Variants in GALNT9 observed in about 807,000 individuals in gnomAD.
The protein encoded by GALNT9 is GalNAc transferase 9.
In GALNT9, 47 loss-of-function variants were observed where a neutral mutation model predicts 63.1. The observed-to-expected ratio is 0.75, with a 90% confidence interval of 0.59 to 0.95. The LOEUF (loss-of-function observed/expected upper bound fraction) is 0.95, where lower values mean the gene tolerates loss of function less well. GALNT9 is among the 40% of genes least tolerant of loss of function. The pLI, the probability that GALNT9 is intolerant of heterozygous loss-of-function variation, is 0.00. For missense variants in GALNT9, 829 were observed against 874.8 expected (o/e 0.95, Z 0.66); for synonymous variants, 396 against 365.7 (o/e 1.08, Z -0.94).
chr12:132,228,838 C>T (rs1361569689), intron 6 of GALNT9, among the ~76,000 whole-genome samples: 7 of 152,216 alleles, frequency 4.6e-5, no homozygotes, highest in South Asian at 4.1e-4. Context: ...CTAATAGACG[C>T]GATGGACTCA....
intron 2 of GALNT9, among the ~76,000 whole-genome samples, chr12:132,266,840 C>T (rs1879617776): frequency 6.6e-6 from 1 of 152,220 alleles, no homozygotes; most frequent in African/African-American, 2.4e-5. Flanking sequence ...GCGTGGGCCA[C>T]CACCGAGTCG....
At chr12:132,199,348 C>T in intron 8 of GALNT9, 79 bp from the exon 9 acceptor site, 7 of 1,026,206 alleles carry the variant, frequency 6.8e-6, no homozygotes, top group Middle Eastern at 2.1e-4. Flanking sequence ...GCCAGCTCTG[C>T]AGCCAGCACC....
At chr12:132,209,457 G>A (rs139394828) in intron 6 of GALNT9, among the ~76,000 whole-genome samples, 3,379 of 152,314 alleles carry the variant, frequency 0.022, 124 homozygotes, top group African/African-American at 0.076. Context: ...GGCTGAGGCA[G>A]GAGAATTGCT....
At position 132,197,889 on chromosome 12, in the gene GALNT9, G is replaced by T; in HGVS notation, c.1568C>A (p.Ser523Tyr). The T allele has an allele frequency of 3.7e-6, 6 of 1,611,890 alleles. No individual in the cohort carries two copies. The highest frequency in any genetic ancestry group is 5.1e-6 in the Non-Finnish European group (6 of 1,179,516). Reference protein sequence around the residue: ...PLGSTAFLPDSKCLVDDGTGR... With the variant: ...PLGSTAFLPDYKCLVDDGTGR... ...CGTGCCGTCATCCACCAGACACTTGGAGTCAGGCAAGAAGGCTGTGGAGCC... is the reference window on the plus strand; with the variant it reads ...CGTGCCGTCATCCACCAGACACTTGTAGTCAGGCAAGAAGGCTGTGGAGCC... Residue 523 changes from serine to tyrosine, a missense_variant, in exon 10 of 11, where the codon TCC becomes TAC. Transcript: ENST00000328957.
intron 1 of GALNT9, 119 bp downstream of exon 1, chr12:132,328,847 A>G: frequency 1.6e-6 from 2 of 1,235,060 alleles, no homozygotes; most frequent in Non-Finnish European, 2.1e-6. Flanking sequence ...TCTCCTGTAT[A>G]TTCCCTCCCA....
chr12:132,253,632 GATT>G (rs1183719795), intron 5 of GALNT9, among the ~76,000 whole-genome samples: 6 of 152,218 alleles, frequency 3.9e-5, no homozygotes, highest in Admixed American at 3.9e-4. Flanking sequence ...CTTGTATTAT[GATT>G]ATTCTTATTC....
intron 6 of GALNT9, among the ~76,000 whole-genome samples, chr12:132,213,445 T>C (rs1310386436): frequency 6.6e-6 from 1 of 151,382 alleles, no homozygotes; most frequent in Non-Finnish European, 1.5e-5. Flanking sequence ...AGCATACACA[T>C]GCACTGTTAC....
At chr12:132,309,570 T>C (rs1881739577) in intron 1 of GALNT9, among the ~76,000 whole-genome samples, 1 of 152,052 alleles carries the variant, frequency 6.6e-6, no homozygotes, top group African/African-American at 2.4e-5. Context: ...AGGGCTCGGA[T>C]AGTCACAGGC....
intron 1 of GALNT9, among the ~76,000 whole-genome samples, chr12:132,297,485 G>T (rs541844186): frequency 1.3e-5 from 2 of 149,054 alleles, no homozygotes; most frequent in South Asian, 4.3e-4. Context: ...AGTCACTCCT[G>T]AGATGACTGA....
intron 1 of GALNT9, among the ~76,000 whole-genome samples, chr12:132,295,333 G>A (rs112453261): frequency 0.02 from 2,972 of 152,380 alleles, 115 homozygotes; most frequent in African/African-American, 0.067. Context: ...AGTGCCGGGC[G>A]CCGTGCAGGC....
intron 6 of GALNT9, among the ~76,000 whole-genome samples, chr12:132,237,143 T>C (rs2136895211): frequency 0.27 from 40,674 of 151,950 alleles, 6,133 homozygotes; most frequent in African/African-American, 0.41. Flanking sequence ...GTGCAGGCAG[T>C]GTGGGACCCA....
At position 132,201,204 on chromosome 12, in the gene GALNT9, T is replaced by C; in HGVS notation, c.1321A>G (p.Lys441Glu). The C allele has an allele frequency of 8.7e-6, 14 of 1,612,852 alleles. No individual in the cohort carries two copies. The highest frequency in any genetic ancestry group is 1.2e-5 in the Non-Finnish European group (14 of 1,179,044). The change falls in exon 8 of 11, where the codon AAG becomes GAG. Residue 441 changes from lysine to glutamate, a missense_variant. Coordinates refer to ENST00000328957, the MANE Select transcript of GALNT9 (RefSeq NM_001122636.2). ...SERLALRQRLKCRSFKWYLEN... is the reference protein window; with the variant it reads ...SERLALRQRLECRSFKWYLEN... ...AGGTACCACTTGAAGCTGCGACACT[T>C]CAGCCTCTGACGCAGGGCCAGCCTC...
intron 2 of GALNT9, among the ~76,000 whole-genome samples, chr12:132,263,043 T>C (rs1845907654): frequency 6.6e-6 from 1 of 150,810 alleles, no homozygotes. Flanking sequence ...GCCTCCCCTG[T>C]GGGCCATGAG....
chr12:132,302,994 C>T (rs774788223), intron 1 of GALNT9, among the ~76,000 whole-genome samples: 4 of 152,086 alleles, frequency 2.6e-5, no homozygotes, highest in Non-Finnish European at 4.4e-5. Flanking sequence ...AACCCAGGGG[C>T]CTGTGCAGAG....
At position 132,286,615 on chromosome 12, in the gene GALNT9, A is replaced by C; in HGVS notation, c.239-185T>G. On this transcript the variant is annotated intron_variant, in intron 1 of 10. Coordinates refer to ENST00000328957, the MANE Select transcript of GALNT9 (RefSeq NM_001122636.2). The surrounding 1 kb of genome is among the most constrained non-coding windows in gnomAD (Gnocchi z 7.4). ...AAAGTGCAAGGCTGTGCGCGGAGTG[A>C]GAGGGCGGTGCCAGGCGGAAGAGGG... 4 of 1,074,766 alleles carry C rather than the reference A, an allele frequency of 3.7e-6. No individual in the cohort carries two copies. Among genetic ancestry groups the C allele is most frequent in the Non-Finnish European group, 5.2e-6 (4 of 776,268 alleles). The allele number at this position is 1,074,766 out of a possible 1,614,324, so 66.6% of individuals were successfully genotyped here. A position where few individuals can be genotyped will look rare whatever the true frequency, so the allele number is the denominator to read the frequency against.
chr12:132,225,454 G>A (rs1158750313), intron 6 of GALNT9, among the ~76,000 whole-genome samples: 19 of 122,732 alleles, frequency 1.5e-4, no homozygotes, highest in African/African-American at 5.2e-4. Context: ...CCACACAACT[G>A]AAACTCCACT....
At chr12:132,228,600 C>G (rs1877787720) in intron 6 of GALNT9, among the ~76,000 whole-genome samples, 2 of 140,134 alleles carry the variant, frequency 1.4e-5, no homozygotes, top group African/African-American at 2.6e-5. Context: ...GCAAAAGCCA[C>G]CCCCCCGGCC....
rs1245656501 is a variant in GALNT9, at chr12:132,252,014, T to C, written c.960-3987A>G. 6.6e-6 allele frequency among the ~76,000 whole-genome samples: 1 copy of C among 152,032 alleles called. No homozygotes were observed. The highest frequency in any genetic ancestry group is 1.5e-5 in the Non-Finnish European group (1 of 68,002). Reference sequence around the variant, plus strand: ...TCCCACCTTGCTCACGTGATGGGGGTGCCGGATCTTAACTGGGATCCCAGG... The same window carrying C: ...TCCCACCTTGCTCACGTGATGGGGGCGCCGGATCTTAACTGGGATCCCAGG... On this transcript the variant is annotated intron_variant, in intron 5 of 10. Transcript: ENST00000328957. The surrounding 1 kb of genome is among the most constrained non-coding windows in gnomAD (Gnocchi z 5.2).
chr12:132,277,599 G>A (rs1289281180), intron 2 of GALNT9: 1 of 152,330 alleles, frequency 6.6e-6, no homozygotes, highest in Non-Finnish European at 1.5e-5. Flanking sequence ...CTCCCGGCGT[G>A]AAGCGTGTGG....
Sources: gnomAD v4.1 joint callset for allele counts (sites outside exome capture counted in the v4.1 genomes callset) on GRCh38, gnomAD v4.1.1 for gene constraint, Gnocchi (gnomAD v3.1) non-coding constraint, MANE v1.5 for transcripts, NCBI Gene and HGNC (gene_info 2026-07-23, HGNC 2026-07-21) for gene names.